Variants in OTOF observed in about 807,000 individuals in gnomAD.
OTOF encodes the protein otoferlin, also known as fer-1-like family member 2.
OTOF carries 218 observed loss-of-function variants against 236.8 expected under a neutral mutation model. The ratio of observed to expected loss-of-function variants is 0.92; its 90% confidence interval spans 0.82 to 1.03. OTOF has a LOEUF of 1.03. Ranked by LOEUF, OTOF falls within the 50% of genes least tolerant of loss-of-function variation. The pLI, the probability that OTOF is intolerant of heterozygous loss-of-function variation, is 0.00. For synonymous variants in OTOF, 1,041 were observed against 1,072.5 expected, an observed-to-expected ratio of 0.97 and a Z score of 0.57; for missense variants, 2,590 against 2,694.4, an observed-to-expected ratio of 0.96 and a Z score of 0.86.
chr2:26,481,954 T>C (rs536867770), intron 14 of OTOF, among the ~76,000 whole-genome samples: 5 of 152,184 alleles, frequency 3.3e-5, no homozygotes, highest in Non-Finnish European at 5.9e-5. Flanking sequence ...TCTCACTCTA[T>C]GTCCTTGGAA....
chr2:26,459,511 C>T (rs1664352292), intron 46 of OTOF, among the ~76,000 whole-genome samples: 1 of 147,168 alleles, frequency 6.8e-6, no homozygotes, highest in Non-Finnish European at 1.5e-5. Flanking sequence ...AAGATTGTGC[C>T]ACTGCACTCT....
rs752266635 is a variant in OTOF, at chr2:26,519,089, A to G, written c.248T>C (p.Met83Thr). The G allele has an allele frequency of 7.5e-6, 12 of 1,603,992 alleles. No individual in the cohort carries two copies. In the East Asian group the frequency reaches 1.1e-4, roughly 15 times the overall value. Reference sequence around the variant, plus strand: ...CTCCTCTACCACCTTCTGCAGCACCATGCGGAAGGTCCCGATGAGCCTGGG... The same window carrying G: ...CTCCTCTACCACCTTCTGCAGCACCGTGCGGAAGGTCCCGATGAGCCTGGG... The part of the protein sequence containing the change: ...FSNKLIGTFR[M>T]VLQKVVEESH... The change falls in exon 4 of 47, where the codon ATG becomes ACG. Residue 83 changes from methionine to threonine, a missense_variant. By Grantham distance (81) the Met-to-Thr change is moderately conservative. Around this residue, in one of 2 missense-constraint regions of OTOF, gnomAD observed 1,379 missense variants for 1,341.6 expected, o/e 1.03. Transcript: ENST00000272371.
At chr2:26,468,901 G>T (rs1297481287) in intron 32 of OTOF, among the ~76,000 whole-genome samples, 2 of 152,150 alleles carry the variant, frequency 1.3e-5, no homozygotes, top group African/African-American at 4.8e-5. Flanking sequence ...GGGGCCTGTG[G>T]TGGTGCTGGG....
At chr2:26,458,429 C>T (rs955365775) in intron 46 of OTOF, among the ~76,000 whole-genome samples, 2 of 152,218 alleles carry the variant, frequency 1.3e-5, no homozygotes, top group Non-Finnish European at 2.9e-5. Context: ...CTTTGGGGCC[C>T]GAATCTCCTC....
chr2:26,552,091 T>TTA (rs377536544), intron 1 of OTOF, among the ~76,000 whole-genome samples: 10 of 141,184 alleles, frequency 7.1e-5, no homozygotes, highest in Non-Finnish European at 1.4e-4. Context: ...TATAAAAAGT[T>TTA]AAAAAAAAAA....
At chr2:26,534,179 G>A (rs1407664105) in intron 2 of OTOF, among the ~76,000 whole-genome samples, 1 of 152,196 alleles carries the variant, frequency 6.6e-6, no homozygotes, top group Non-Finnish European at 1.5e-5. Context: ...TAATGCTTGT[G>A]TCAAGCTCTC....
At position 26,473,048 on chromosome 2, in the gene OTOF, C is replaced by T. The variant is rs1471995240; in HGVS notation, c.3733+84G>A. ...TCGGCCCCAAAGAGCAAACTCTGGT[C>T]GCGGCTTGGACTGGGCGGAGACCTG... is the stretch of plus-strand genomic sequence containing the variant. On this transcript the variant is annotated intron_variant, in intron 29 of 46. Coordinates refer to ENST00000272371, the MANE Select transcript of OTOF (RefSeq NM_194248.3). The surrounding 1 kb of genome is among the most constrained non-coding windows in gnomAD (Gnocchi z 7.2). 50 of 1,426,942 alleles carry T rather than the reference C, an allele frequency of 3.5e-5. No homozygotes were observed. Among genetic ancestry groups the T allele is most frequent in the Non-Finnish European group, 4.4e-5 (46 of 1,038,694 alleles). The allele number at this position is 1,426,942 out of a possible 1,614,324, so 88.4% of individuals were successfully genotyped here.
Position 26,482,516 on chromosome 2 carries a change from G to C in OTOF, c.1469C>G (p.Pro490Arg), listed in dbSNP as rs80356585. 43 of 1,613,058 alleles carry C rather than the reference G, an allele frequency of 2.7e-5. No individual in the cohort carries two copies. The highest frequency in any genetic ancestry group is 3.3e-5 in the Admixed American group (2 of 60,004). The change falls in exon 14 of 47, where the codon CCA becomes CGA. Residue 490 changes from proline (P) to arginine (R), a missense_variant. Pro to Arg is a moderately radical substitution (Grantham distance 103). Transcript: ENST00000272371. ...EQVVFTDLFP[P>R]LCKRMKVQIR... Reference sequence around the variant, plus strand: ...CTGCACCTTCATGCGTTTGCAGAGTGGGGGGAAGAGGTCTGTAAAGACGAC... The same window carrying C: ...CTGCACCTTCATGCGTTTGCAGAGTCGGGGGAAGAGGTCTGTAAAGACGAC...
At chr2:26,492,397 T>A (rs148119954) in intron 9 of OTOF, among the ~76,000 whole-genome samples, 1 of 152,326 alleles carries the variant, frequency 6.6e-6, no homozygotes, top group Non-Finnish European at 1.5e-5. Context: ...CAGAGCTATT[T>A]GGGTTTGTGA....
At chr2:26,523,212 G>C (rs1296171634) in intron 3 of OTOF, among the ~76,000 whole-genome samples, 1 of 152,388 alleles carries the variant, frequency 6.6e-6, no homozygotes, top group South Asian at 2.1e-4. Flanking sequence ...GACAGGCAGA[G>C]CTGGATGCAC....
intron 4 of OTOF, among the ~76,000 whole-genome samples, chr2:26,517,950 C>T (rs1666576969): frequency 6.6e-6 from 1 of 152,216 alleles, no homozygotes; most frequent in Admixed American, 6.5e-5. Context: ...TCCCAGCCCG[C>T]CTTCCCATGG....
At chr2:26,518,397 G>A (rs1226562037) in intron 4 of OTOF, among the ~76,000 whole-genome samples, 1 of 152,192 alleles carries the variant, frequency 6.6e-6, no homozygotes, top group South Asian at 2.1e-4. Context: ...TCATACTCAG[G>A]GTCCCTGTTC....
In OTOF at chr2:26,460,045, T is replaced by C. The variant is rs1158981882; in HGVS notation, c.5974A>G (p.Lys1992Glu). 2 of 1,571,498 alleles carry C rather than the reference T, an allele frequency of 1.3e-6. No homozygotes were observed. The highest frequency in any genetic ancestry group is 1.7e-6 in the Non-Finnish European group (2 of 1,158,368). The change falls in exon 46 of 47, where the codon AAG becomes GAG. Residue 1992 changes from lysine (K) to glutamate (E), a missense_variant. Coordinates refer to ENST00000272371, the MANE Select transcript of OTOF (RefSeq NM_194248.3). The surrounding 1 kb of genome is among the most constrained non-coding windows in gnomAD (Gnocchi z 5.3). ...FLYSVPGYLV[K>E]KILGA Reference sequence around the variant, plus strand: ...TGGGCTCAGGCCCCGAGGATTTTCTTGACCAGGTAGCCAGGCACAGAGTAG... The same window carrying C: ...TGGGCTCAGGCCCCGAGGATTTTCTCGACCAGGTAGCCAGGCACAGAGTAG...
Position 26,458,149 on chromosome 2 carries a change from T to C in OTOF, c.*89A>G. ...CACGATCTTGATGATGAGCCACTTG[T>C]ACCGGGTGCAGATGAGGTACTTGAT... On this transcript the variant is annotated 3_prime_UTR_variant, in exon 47 of 47. Coordinates refer to ENST00000272371, the MANE Select transcript of OTOF (RefSeq NM_194248.3). 6.2e-7 allele frequency: 1 copy of C among 1,614,052 alleles called. No homozygotes were observed. The highest frequency in any genetic ancestry group is 8.5e-7 in the Non-Finnish European group (1 of 1,179,956).
At chr2:26,539,215 G>A (rs1015354961) in intron 1 of OTOF, among the ~76,000 whole-genome samples, 1 of 152,132 alleles carries the variant, frequency 6.6e-6, no homozygotes. Context: ...GGGATGGGAT[G>A]GAACCACAAG....
At chr2:26,495,134 G>A (rs964448811) in intron 8 of OTOF, 61 bp from the exon 9 acceptor site, 85 of 1,595,030 alleles carry the variant, frequency 5.3e-5, no homozygotes, top group Non-Finnish European at 5.7e-5. Context: ...GCCTGGTCCC[G>A]CAGGGGTCCA....
intron 1 of OTOF, among the ~76,000 whole-genome samples, chr2:26,542,069 C>T (rs1023227229): frequency 3.9e-5 from 6 of 152,230 alleles, no homozygotes; most frequent in Non-Finnish European, 5.9e-5. Flanking sequence ...AATACCCACA[C>T]GACAGATCTT....
At chr2:26,547,043 A>G (rs1247792916) in intron 1 of OTOF, among the ~76,000 whole-genome samples, 1 of 152,202 alleles carries the variant, frequency 6.6e-6, no homozygotes, top group Admixed American at 6.5e-5. Context: ...GTTGAACAGA[A>G]GTGGTGAGAG....
chr2:26,466,440 G>A (rs761190161), intron 36 of OTOF: 4 of 515,854 alleles, frequency 7.8e-6, no homozygotes, highest in South Asian at 4.0e-5. Flanking sequence ...AGGTTCAAGC[G>A]ATTTTCCTGC....
Sources: allele counts gnomAD v4.1 joint callset (sites outside exome capture counted in the v4.1 genomes callset), GRCh38; gene constraint gnomAD v4.1.1; regional missense constraint gnomAD v4.1.1; non-coding constraint Gnocchi (gnomAD v3.1); transcripts MANE v1.5; gene names NCBI Gene and HGNC (gene_info 2026-07-23, HGNC 2026-07-21).